Variants in SF3A2 observed in about 807,000 individuals in gnomAD.
The protein encoded by SF3A2 is splicing factor 3a subunit 2.
SF3A2 carries 5 observed loss-of-function variants against 31.1 expected under a neutral mutation model. That is an observed-to-expected ratio of 0.16 (90% confidence interval 0.08 to 0.34). The LOEUF (loss-of-function observed/expected upper bound fraction) is 0.34, where lower values mean the gene tolerates loss of function less well. Ranked by LOEUF, SF3A2 falls within the 10% of genes least tolerant of loss-of-function variation. The pLI is 1.00. For missense variants in SF3A2, 577 were observed against 643.9 expected (o/e 0.90, Z 1.13); for synonymous variants, 365 against 263.7 (o/e 1.38, Z -3.72).
rs2024926922 is a variant in SF3A2, at chr19:2,245,846, AG to A, written c.355+292del. On this transcript the variant is annotated intron_variant, in intron 5 of 8. Coordinates refer to ENST00000221494, the MANE Select transcript of SF3A2 (RefSeq NM_007165.5). The surrounding 1 kb of genome is among the most constrained non-coding windows in gnomAD (Gnocchi z 4.2). ...CTTCTGGGAATTCTTGCCAAGCAAA[AG>A]AGTGGAAGTGGAGGTGTGGTGAGCC... is the stretch of plus-strand genomic sequence containing the variant. 1 of 454,390 alleles carries A rather than the reference AG, an allele frequency of 2.2e-6. No individual in the cohort carries two copies. Among genetic ancestry groups the A allele is most frequent in the Non-Finnish European group, 4.0e-6 (1 of 249,446 alleles). The allele number at this position is 454,390 out of a possible 1,614,324, so 28.1% of individuals were successfully genotyped here. A position where few individuals can be genotyped will look rare whatever the true frequency, so the allele number is the denominator to read the frequency against.
intron 2 of SF3A2, 59 bp from the exon 3 acceptor site, chr19:2,244,485 G>T: frequency 7.3e-7 from 1 of 1,375,190 alleles, no homozygotes. Flanking sequence ...GCCTCTGAGG[G>T]CCTTGACGGC....
In SF3A2 at chr19:2,248,264, G is replaced by T; in HGVS notation, c.1113G>T (p.Gly371=). 1 of 1,407,050 alleles carries T rather than the reference G, an allele frequency of 7.1e-7. No homozygotes were observed. The highest frequency in any genetic ancestry group is 9.2e-7 in the Non-Finnish European group (1 of 1,081,850). The allele number at this position is 1,407,050 out of a possible 1,614,324, so 87.2% of individuals were successfully genotyped here. The change falls in exon 9 of 9, where the codon GGG becomes GGT. Residue 371 remains glycine, a synonymous_variant. Transcript: ENST00000221494. ...GGGTCCATCCTCCCCCATCAGCGGG[G>T]GTTCACCCCCAGGCCCCGGGGGTGC... The part of the protein sequence containing the change: ...APGVHPPPSA[G]VHPQAPGVHP...
chr19:2,248,117 C>T lies in SF3A2; in HGVS notation c.966C>T (p.Val322=). ...GCGTCCATCCCCCAGCCCCTGGGGT[C>T]CACCCACCAACCTCTGGGGTCCACC... ...APGVHPPAPG[V]HPPTSGVHPP... is the part of the protein sequence containing the mutation. Residue 322 remains valine, a synonymous_variant, in exon 9 of 9, where the codon GTC becomes GTT. Transcript: ENST00000221494. 3 of 1,274,186 alleles carry T rather than the reference C, an allele frequency of 2.4e-6. No individual in the cohort carries two copies. Among genetic ancestry groups the T allele is most frequent in the Non-Finnish European group, 2.2e-6 (2 of 904,736 alleles). The allele number at this position is 1,274,186 out of a possible 1,614,324, so 78.9% of individuals were successfully genotyped here.
intron 7 of SF3A2, chr19:2,247,252 A>C: frequency 5.8e-6 from 2 of 343,758 alleles, no homozygotes; most frequent in Non-Finnish European, 1.1e-5. Context: ...GGCAGGGCTG[A>C]GCGCCAGGCC....
intron 1 of SF3A2, 100 bp from the exon 2 acceptor site, chr19:2,243,282 G>A: frequency 2.1e-6 from 2 of 942,448 alleles, no homozygotes; most frequent in South Asian, 2.0e-5. Flanking sequence ...TGCAGGGTGA[G>A]GGGCAGTCTC....
Position 2,248,328 on chromosome 19 carries a change from GTGCACCCACCAGCCCCAGGGA to G in SF3A2, c.1185_1205del (p.Pro396_Pro402del), listed in dbSNP as rs1355552559. ...CGCCGTTCACCCTCAGGCCCCAGGG[GTGCACCCACCAGCCCCAGGGA>G]TGCACCCTCAGGCCCCGGGGGTCCA... On this transcript the variant is annotated inframe_deletion, in exon 9 of 9. Transcript: ENST00000221494. 16 of 1,391,244 alleles carry G rather than the reference GTGCACCCACCAGCCCCAGGGA, an allele frequency of 1.2e-5. No homozygotes were observed. Among genetic ancestry groups the G allele is most frequent in the Middle Eastern group, 3.9e-4 (2 of 5,152 alleles). The allele number at this position is 1,391,244 out of a possible 1,614,324, so 86.2% of individuals were successfully genotyped here.
Position 2,246,158 on chromosome 19 carries a change from G to A in SF3A2, c.356-595G>A, listed in dbSNP as rs982808454. ...GCAGAGGTCCCGGGGCAGGTGCACCGGGTGGGCGAGGGTGGCTAGAGCGGC... is the reference window on the plus strand; with the variant it reads ...GCAGAGGTCCCGGGGCAGGTGCACCAGGTGGGCGAGGGTGGCTAGAGCGGC... On this transcript the variant is annotated intron_variant, in intron 5 of 8. Transcript: ENST00000221494. This position sits in a 1 kb window ranked among gnomAD's most constrained non-coding sequence, Gnocchi z 5.5. Among the ~76,000 whole-genome samples the A allele has an allele frequency of 2.6e-5, 4 of 152,302 alleles. No individual in the cohort carries two copies. The highest frequency in any genetic ancestry group is 2.0e-4 in the Admixed American group (3 of 15,294).
Position 2,248,137 on chromosome 19 carries a change from T to A in SF3A2, c.986T>A (p.Val329Asp). Residue 329 changes from valine (V) to aspartate (D), a missense_variant, in exon 9 of 9, where the codon GTC becomes GAC. Val to Asp is a radical substitution (Grantham distance 152). Coordinates refer to ENST00000221494, the MANE Select transcript of SF3A2 (RefSeq NM_007165.5). Reference protein sequence around the residue: ...APGVHPPTSGVHPPAPGVHPP... With the variant: ...APGVHPPTSGDHPPAPGVHPP... ...GGGGTCCACCCACCAACCTCTGGGGTCCACCCCCCAGCTCCTGGAGTCCAC... is the reference window on the plus strand; with the variant it reads ...GGGGTCCACCCACCAACCTCTGGGGACCACCCCCCAGCTCCTGGAGTCCAC... 7.2e-7 allele frequency: 1 copy of A among 1,387,858 alleles called. No homozygotes were observed. Among genetic ancestry groups the A allele is most frequent in the Non-Finnish European group, 9.9e-7 (1 of 1,014,418 alleles). 86.0% of individuals were successfully genotyped at this position (1,387,858 alleles called of 1,614,324 possible).
chr19:2,240,161 C>G (rs576704958), intron 1 of SF3A2, among the ~76,000 whole-genome samples: 1 of 152,320 alleles, frequency 6.6e-6, no homozygotes, highest in Admixed American at 6.5e-5. Context: ...GCTGTTTCCC[C>G]GGAAAAGACT....
chr19:2,247,731 C>T, intron 8 of SF3A2, 36 bp from the exon 9 acceptor site: 3 of 1,611,364 alleles, frequency 1.9e-6, no homozygotes, highest in South Asian at 1.1e-5. Flanking sequence ...GCCCTAGCCC[C>T]ACCCGTGCCT....
chr19:2,238,271 C>G (rs2024855451), intron 1 of SF3A2, among the ~76,000 whole-genome samples: 1 of 152,150 alleles, frequency 6.6e-6, no homozygotes, highest in South Asian at 2.1e-4. Flanking sequence ...ATCCACCTGC[C>G]ACGGCCTCCC....
intron 7 of SF3A2, chr19:2,247,225 C>G (rs2024945717): frequency 3.7e-6 from 2 of 541,054 alleles, no homozygotes; most frequent in East Asian, 6.4e-5. Flanking sequence ...TCCACTGGGC[C>G]AATGAGAAGG....
Position 2,248,499 on chromosome 19 carries a change from C to A in SF3A2, c.1348C>A (p.Pro450Thr). ...PMPPMLRPPL[P>T]SEGPGNIPPP... is the part of the protein sequence containing the mutation. ...GCCCCCAATGCTGAGGCCCCCACTT[C>A]CCTCCGAAGGCCCAGGGAACATACC... The change falls in exon 9 of 9, where the codon CCC (proline) becomes ACC (threonine). Residue 450 changes from proline to threonine, a missense_variant. By Grantham distance (38) the Pro-to-Thr change is conservative. Coordinates refer to ENST00000221494, the MANE Select transcript of SF3A2 (RefSeq NM_007165.5). The A allele has an allele frequency of 3.4e-6, 4 of 1,180,410 alleles. No homozygotes were observed. The highest frequency in any genetic ancestry group is 3.3e-6 in the Non-Finnish European group (3 of 905,928). 73.1% of individuals were successfully genotyped at this position (1,180,410 alleles called of 1,614,324 possible). A position where few individuals can be genotyped will look rare whatever the true frequency, so the allele number is the denominator to read the frequency against.
Position 2,238,455 on chromosome 19 carries a change from G to A in SF3A2, c.-38+1554G>A, listed in dbSNP as rs538291583. 4.0e-5 allele frequency among the ~76,000 whole-genome samples: 6 copies of A among 151,872 alleles called. No homozygotes were observed. In the East Asian group the frequency reaches 7.8e-4, roughly 20 times the overall value. On this transcript the variant is annotated intron_variant, in intron 1 of 8. Coordinates refer to ENST00000221494, the MANE Select transcript of SF3A2 (RefSeq NM_007165.5). ...ACATCATCTGCTGATTTCTTGTCACGGCTGTTGAGATCTTCTCCCTCCCAT... is the reference window on the plus strand; with the variant it reads ...ACATCATCTGCTGATTTCTTGTCACAGCTGTTGAGATCTTCTCCCTCCCAT...
At chr19:2,244,154 T>C (rs1383395376) in intron 2 of SF3A2, among the ~76,000 whole-genome samples, 1 of 152,162 alleles carries the variant, frequency 6.6e-6, no homozygotes, top group Non-Finnish European at 1.5e-5. Flanking sequence ...CATTTGCTTT[T>C]CTTGTGCCTG....
rs1233504861 is a variant in SF3A2 at position 2,248,159 on chromosome 19, C to CCACCCTCCAGCCCCCGGGGTT, written c.1014_1034dup (p.Ala361_Pro367dup). ...GGGTCCACCCCCCAGCTCCTGGAGTCCACCCTCCAGCCCCCGGGGTTCACC... is the reference window on the plus strand; with the variant it reads ...GGGTCCACCCCCCAGCTCCTGGAGTCCACCCTCCAGCCCCCGGGGTTCACCCTCCAGCCCCCGGGGTTCACC... On this transcript the variant is annotated inframe_insertion, in exon 9 of 9. Coordinates refer to ENST00000221494, the MANE Select transcript of SF3A2 (RefSeq NM_007165.5). The CCACCCTCCAGCCCCCGGGGTT allele has an allele frequency of 1.4e-6, 2 of 1,467,332 alleles. No homozygotes were observed. The highest frequency in any genetic ancestry group is 1.8e-6 in the Non-Finnish European group (2 of 1,082,790). The allele number at this position is 1,467,332 out of a possible 1,614,324, so 90.9% of individuals were successfully genotyped here.
rs1355316990 is a variant in SF3A2, at chr19:2,246,879, C to T, written c.406-3C>T. 3 of 1,612,012 alleles carry T rather than the reference C, an allele frequency of 1.9e-6. No homozygotes were observed. Among genetic ancestry groups the T allele is most frequent in the East Asian group, 2.2e-5 (1 of 44,868 alleles). ...GCTCTGCCACCCGGCCGTGTCCCTG[C>T]AGATTGACTACCCTGAGATCGCCGA... On this transcript the variant is annotated splice_region_variant and splice_polypyrimidine_tract_variant and intron_variant, in intron 6 of 8. Coordinates refer to ENST00000221494, the MANE Select transcript of SF3A2 (RefSeq NM_007165.5). This position sits in a 1 kb window ranked among gnomAD's most constrained non-coding sequence, Gnocchi z 5.5.
intron 1 of SF3A2, among the ~76,000 whole-genome samples, chr19:2,242,256 A>G (rs1250133291): frequency 1.3e-5 from 2 of 152,260 alleles, no homozygotes; most frequent in East Asian, 3.8e-4. Flanking sequence ...CAGACGCAGT[A>G]GTTCAGATGA....
At chr19:2,247,186 T>A in intron 7 of SF3A2, 164 bp downstream of exon 7, 4 of 597,256 alleles carry the variant, frequency 6.7e-6, no homozygotes, top group Non-Finnish European at 1.1e-5. Flanking sequence ...ACCTCTCCCA[T>A]TGGGCTCTGC....
Sources: allele counts gnomAD v4.1 joint callset (sites outside exome capture counted in the v4.1 genomes callset), GRCh38; gene constraint gnomAD v4.1.1; non-coding constraint Gnocchi (gnomAD v3.1); transcripts MANE v1.5; gene names NCBI Gene and HGNC (gene_info 2026-07-23, HGNC 2026-07-21).